TTI1: variants seen among roughly 807,000 people sequenced by gnomAD.
TTI1 encodes the protein TELO2 interacting protein 1.
Under a neutral mutation model 85.4 loss-of-function variants are expected in TTI1, and 52 were observed. The observed-to-expected ratio is 0.61, with a 90% CI of 0.49 to 0.77. The LOEUF (loss-of-function observed/expected upper bound fraction) is 0.77. Among genes scored for constraint, TTI1 ranks in the 30% least tolerant of loss-of-function variants. The pLI, the probability that TTI1 is intolerant of heterozygous loss-of-function variation, is 0.00. For missense variants in TTI1, 1,173 were observed against 1,296.0 expected (o/e 0.91, Z 1.46); for synonymous variants, 512 against 503.9 (o/e 1.02, Z -0.22).
At chr20:38,027,616 A>G (rs993690394) in intron 1 of TTI1, among the ~76,000 whole-genome samples, 7 of 152,208 alleles carry the variant, frequency 4.6e-5, no homozygotes, top group Admixed American at 4.6e-4. Context: ...CAAGCTACAG[A>G]AAAGAAAACG....
At chr20:38,021,489 G>C (rs1600651572) in intron 1 of TTI1, among the ~76,000 whole-genome samples, 1 of 152,318 alleles carries the variant, frequency 6.6e-6, no homozygotes, top group East Asian at 1.9e-4. Flanking sequence ...GGGGCATTCT[G>C]GTCCAGAAAG....
intron 7 of TTI1, among the ~76,000 whole-genome samples, chr20:37,996,062 G>A (rs1400516657): frequency 6.6e-6 from 1 of 152,220 alleles, no homozygotes; most frequent in Non-Finnish European, 1.5e-5. Context: ...GAAGTGCCAG[G>A]CACCTGGTCT....
chr20:37,983,391 G>C lies in TTI1; in HGVS notation c.*65C>G. 1.9e-6 allele frequency: 3 copies of C among 1,544,108 alleles called. No individual in the cohort carries two copies. The highest frequency in any genetic ancestry group is 2.6e-6 in the Non-Finnish European group (3 of 1,143,722). ...CTGCCACCGCCTATGGCCGGGGTGGGGTCAGCCCAGCTTCTGGCTGGCAGT... is the reference window on the plus strand; with the variant it reads ...CTGCCACCGCCTATGGCCGGGGTGGCGTCAGCCCAGCTTCTGGCTGGCAGT... On this transcript the variant is annotated 3_prime_UTR_variant, in exon 8 of 8. Coordinates refer to ENST00000373447, the MANE Select transcript of TTI1 (RefSeq NM_001303457.2).
At position 38,020,323 on chromosome 20, in the gene TTI1, A is replaced by AAAAAATATATATAT; in HGVS notation, c.-41-6467_-41-6466insATATATATATTTTT. Among the ~76,000 whole-genome samples the AAAAAATATATATAT allele has an allele frequency of 2.2e-3, 111 of 50,338 alleles. 1 individual carries two copies. Among genetic ancestry groups the AAAAAATATATATAT allele is most frequent in the African/African-American group, 4.2e-3 (47 of 11,206 alleles). 33.0% of individuals were successfully genotyped at this position (50,338 alleles called of 152,430 possible). A position where few individuals can be genotyped will look rare whatever the true frequency, so the allele number is the denominator to read the frequency against. Reference sequence around the variant, plus strand: ...GGCTACTCATATGAAAAAAAAAAAAAATATATATATATATATATATATATA... The same window carrying AAAAAATATATATAT: ...GGCTACTCATATGAAAAAAAAAAAAAAAAAATATATATATATATATATATATATATATATATATA... On this transcript the variant is annotated intron_variant, in intron 1 of 7. Coordinates refer to ENST00000373447, the MANE Select transcript of TTI1 (RefSeq NM_001303457.2).
chr20:38,011,001 G>A (rs1248843670), intron 2 of TTI1, among the ~76,000 whole-genome samples: 3 of 152,208 alleles, frequency 2.0e-5, no homozygotes, highest in African/African-American at 7.2e-5. Flanking sequence ...AGTGGTAACT[G>A]TACTGGATAG....
At position 38,009,750 on chromosome 20, in the gene TTI1, A is replaced by C. The variant is rs151212632; in HGVS notation, c.2302+1765T>G. The stretch of plus-strand genomic sequence containing the variant: ...ACTCCTGGGCTCAAGCAATCCGCCC[A>C]CCTCAGCCTCCCAAAGTGTTGAGAT... On this transcript the variant is annotated intron_variant, in intron 2 of 7. Coordinates refer to ENST00000373447, the MANE Select transcript of TTI1 (RefSeq NM_001303457.2). Among the ~76,000 whole-genome samples the C allele has an allele frequency of 7.7e-3, 1,166 of 152,086 alleles. 8 individuals are homozygous for C. Among genetic ancestry groups the C allele is most frequent in the African/African-American group, 0.024 (989 of 41,478 alleles).
intron 6 of TTI1, 63 bp from the exon 7 acceptor site, chr20:37,996,525 C>A: frequency 6.3e-7 from 1 of 1,579,998 alleles, no homozygotes; most frequent in Non-Finnish European, 8.7e-7. Context: ...AAGCAGTGAC[C>A]AACTGTGTCT....
Position 37,996,429 on chromosome 20 carries a change from C to T in TTI1, c.3032G>A (p.Cys1011Tyr), listed in dbSNP as rs763998717. 3.1e-6 allele frequency: 5 copies of T among 1,613,920 alleles called. No homozygotes were observed. Among genetic ancestry groups the T allele is most frequent in the Non-Finnish European group, 3.4e-6 (4 of 1,180,040 alleles). ...CTGTTTGACACTGAGGTAAATCAAG[C>T]AGGCATCAGCCACTTTATTCAGGTC... ...EGDLNKVADACLIYLSVKQPV... is the reference protein window; with the variant it reads ...EGDLNKVADAYLIYLSVKQPV... The change falls in exon 7 of 8, where the codon TGC (cysteine) becomes TAC (tyrosine). Residue 1011 changes from cysteine (C) to tyrosine (Y), a missense_variant. By Grantham distance (194) the Cys-to-Tyr change is radical. Coordinates refer to ENST00000373447, the MANE Select transcript of TTI1 (RefSeq NM_001303457.2).
rs989403336 is a variant in TTI1 at position 38,001,724 on chromosome 20, C to CT, written c.2652+903dup. Among the ~76,000 whole-genome samples the CT allele has an allele frequency of 8.0e-3, 1,180 of 147,358 alleles. 9 individuals are homozygous for CT. The highest frequency in any genetic ancestry group is 0.015 in the Admixed American group (218 of 14,776). On this transcript the variant is annotated intron_variant, in intron 4 of 7. Coordinates refer to ENST00000373447, the MANE Select transcript of TTI1 (RefSeq NM_001303457.2). Reference sequence around the variant, plus strand: ...CACTAAGGCAGTTGTGTTTCTCTCTCTTTTTTTTTTTGAGATAAAGTTTCA... The same window carrying CT: ...CACTAAGGCAGTTGTGTTTCTCTCTCTTTTTTTTTTTTGAGATAAAGTTTCA...
intron 7 of TTI1, among the ~76,000 whole-genome samples, chr20:37,985,497 G>A (rs1398255122): frequency 3.9e-5 from 6 of 151,986 alleles, no homozygotes; most frequent in African/African-American, 1.4e-4. Flanking sequence ...GGGAGGCAGT[G>A]GGGGAGTGGG....
chr20:37,992,475 C>T (rs546455378), intron 7 of TTI1, among the ~76,000 whole-genome samples: 2 of 152,270 alleles, frequency 1.3e-5, no homozygotes, highest in African/African-American at 4.8e-5. Flanking sequence ...CAGGGTTTCG[C>T]TATGTTGCCC....
intron 2 of TTI1, among the ~76,000 whole-genome samples, chr20:38,008,823 T>C (rs913130798): frequency 5.3e-5 from 8 of 152,230 alleles, no homozygotes; most frequent in Non-Finnish European, 1.5e-5. Flanking sequence ...TCCACCTGAG[T>C]ACTACTTCCT....
At chr20:38,008,188 T>G (rs1361878638) in intron 2 of TTI1, among the ~76,000 whole-genome samples, 1 of 152,238 alleles carries the variant, frequency 6.6e-6, no homozygotes, top group African/African-American at 2.4e-5. Context: ...TGATGGAGTT[T>G]AAATTGGTAC....
intron 7 of TTI1, among the ~76,000 whole-genome samples, chr20:37,986,178 AT>A (rs1268770958): frequency 1.3e-5 from 2 of 152,124 alleles, no homozygotes; most frequent in Admixed American, 1.3e-4. Context: ...AGCTGGAACA[AT>A]TTCTCAAGCT....
At chr20:38,006,883 A>C (rs1443391417) in intron 2 of TTI1, among the ~76,000 whole-genome samples, 1 of 152,212 alleles carries the variant, frequency 6.6e-6, no homozygotes, top group African/African-American at 2.4e-5. Flanking sequence ...TCCATTGGTC[A>C]CCACTGGAAA....
At chr20:38,007,956 C>T (rs114246807) in intron 2 of TTI1, among the ~76,000 whole-genome samples, 222 of 152,332 alleles carry the variant, frequency 1.5e-3, no homozygotes, top group African/African-American at 5.1e-3. Context: ...ACTAGATATG[C>T]TGCAAAGATT....
intron 1 of TTI1, among the ~76,000 whole-genome samples, chr20:38,017,670 T>A (rs1331862605): frequency 2.6e-5 from 4 of 152,180 alleles, no homozygotes; most frequent in African/African-American, 9.7e-5. Context: ...TCTTCAAAGC[T>A]GGGGTAACAA....
intron 1 of TTI1, among the ~76,000 whole-genome samples, chr20:38,015,187 AAG>A (rs2073663904): frequency 6.6e-6 from 1 of 152,128 alleles, no homozygotes; most frequent in African/African-American, 2.4e-5. Flanking sequence ...TCAGTCCAGA[AAG>A]AGAGCTGGTG....
At position 37,983,455 on chromosome 20, in the gene TTI1, G is replaced by C. The variant is rs199967691; in HGVS notation, c.*1C>G. The C allele has an allele frequency of 1.2e-6, 2 of 1,609,378 alleles. No homozygotes were observed. Among genetic ancestry groups the C allele is most frequent in the Non-Finnish European group, 1.7e-6 (2 of 1,179,344 alleles). On this transcript the variant is annotated 3_prime_UTR_variant, in exon 8 of 8. Transcript: ENST00000373447. ...GTGGCCTCTGTGGTGGGGGAGCAGGGTCACTGCAGCTCCTTGAGCAGCTGG... is the reference window on the plus strand; with the variant it reads ...GTGGCCTCTGTGGTGGGGGAGCAGGCTCACTGCAGCTCCTTGAGCAGCTGG...
Sources: allele counts gnomAD v4.1 joint callset (sites outside exome capture counted in the v4.1 genomes callset), GRCh38; gene constraint gnomAD v4.1.1; transcripts MANE v1.5; gene names NCBI Gene and HGNC (gene_info 2026-07-23, HGNC 2026-07-21).